Variants in PRKD1 observed in about 807,000 individuals in gnomAD.
The protein encoded by PRKD1 is protein kinase D1.
PRKD1 carries 63 observed loss-of-function variants against 95.9 expected under a neutral mutation model. The ratio of observed to expected loss-of-function variants is 0.66; its 90% CI spans 0.54 to 0.81. The LOEUF is 0.81. Ranked by LOEUF, PRKD1 falls within the 30% of genes least tolerant of loss-of-function variation. The pLI is 0.00. For missense variants in PRKD1, 1,048 were observed against 1,165.3 expected (o/e 0.90, Z 1.47); for synonymous variants, 425 against 423.1 (o/e 1.00, Z -0.05).
intron 1 of PRKD1, among the ~76,000 whole-genome samples, chr14:29,748,936 A>T (rs1263402343): frequency 1.3e-5 from 2 of 152,176 alleles, no homozygotes; most frequent in African/African-American, 4.8e-5. Context: ...CAAAAATAAA[A>T]TTATAAAATT....
intron 1 of PRKD1, among the ~76,000 whole-genome samples, chr14:29,912,724 CT>C (rs1894761673): frequency 6.6e-6 from 1 of 152,180 alleles, no homozygotes; most frequent in South Asian, 2.1e-4. Context: ...AGTGTTCCTC[CT>C]TTTTTAGCTA....
At chr14:29,869,203 G>A (rs1893017166) in intron 1 of PRKD1, among the ~76,000 whole-genome samples, 1 of 152,118 alleles carries the variant, frequency 6.6e-6, no homozygotes. Context: ...AGCACTTTGG[G>A]AGGCCGAGGA....
chr14:29,723,490 G>T (rs1020848703), intron 2 of PRKD1, among the ~76,000 whole-genome samples: 2 of 152,256 alleles, frequency 1.3e-5, no homozygotes, highest in African/African-American at 2.4e-5. Context: ...AGAGATAAGA[G>T]ATATGGGTAA....
At chr14:29,684,183 C>T (rs1231981759) in intron 2 of PRKD1, among the ~76,000 whole-genome samples, 7 of 146,086 alleles carry the variant, frequency 4.8e-5, no homozygotes, top group Non-Finnish European at 1.0e-4. Context: ...TGGAGTCTCA[C>T]TCTATCGCCC....
intron 4 of PRKD1, among the ~76,000 whole-genome samples, chr14:29,651,636 C>CTA (rs1233692195): frequency 6.6e-6 from 1 of 151,058 alleles, no homozygotes; most frequent in Non-Finnish European, 1.5e-5. Context: ...ATTATTTCTT[C>CTA]TATAGAAATC....
intron 1 of PRKD1, among the ~76,000 whole-genome samples, chr14:29,914,629 G>A (rs1046770744): frequency 2.6e-5 from 4 of 152,154 alleles, no homozygotes; most frequent in African/African-American, 4.8e-5. Context: ...AGCTACTCAG[G>A]AGGCTGAGGC....
intron 2 of PRKD1, among the ~76,000 whole-genome samples, chr14:29,707,198 G>T (rs1300167723): frequency 1.3e-5 from 2 of 152,088 alleles, no homozygotes; most frequent in Non-Finnish European, 2.9e-5. Context: ...TTTATATAGA[G>T]AAATATTGTT....
intron 16 of PRKD1, among the ~76,000 whole-genome samples, chr14:29,582,406 C>A (rs1892783074): frequency 6.6e-6 from 1 of 151,092 alleles, no homozygotes; most frequent in Non-Finnish European, 1.5e-5. Context: ...TTCTTTCCCC[C>A]TTTTAGAAGT....
At chr14:29,858,238 A>G (rs891564512) in intron 1 of PRKD1, among the ~76,000 whole-genome samples, 2 of 152,166 alleles carry the variant, frequency 1.3e-5, no homozygotes, top group African/African-American at 4.8e-5. Context: ...AGCACCTATC[A>G]CCATCTGACC....
At chr14:29,916,760 T>C (rs533217655) in intron 1 of PRKD1, among the ~76,000 whole-genome samples, 2 of 152,330 alleles carry the variant, frequency 1.3e-5, no homozygotes, top group East Asian at 3.9e-4. Flanking sequence ...AAATGGACAG[T>C]AGACCTCACC....
chr14:29,779,978 A>T, intron 1 of PRKD1, among the ~76,000 whole-genome samples: 1 of 152,192 alleles, frequency 6.6e-6, no homozygotes, highest in Non-Finnish European at 1.5e-5. Context: ...CTCAGAAATA[A>T]TACCACACAT....
chr14:29,897,804 A>T (rs1412706638), intron 1 of PRKD1, among the ~76,000 whole-genome samples: 2 of 152,110 alleles, frequency 1.3e-5, no homozygotes, highest in Non-Finnish European at 2.9e-5. Context: ...TTTTCTTTTC[A>T]AAAGAAAGTT....
At chr14:29,872,284 T>C (rs570031509) in intron 1 of PRKD1, among the ~76,000 whole-genome samples, 1 of 152,178 alleles carries the variant, frequency 6.6e-6, no homozygotes, top group Non-Finnish European at 1.5e-5. Flanking sequence ...ACTTAAAATA[T>C]AATGACAAAA....
rs574548102 is a variant in PRKD1, at chr14:29,732,913, GTT to G, written c.265-7241_265-7240del. ...ATTTGATAGTGATGTGCCTTGAAGT[GTT>G]TTTTTTTTTTTTCAGTTTATCTTGG... is the stretch of plus-strand genomic sequence containing the variant. On this transcript the variant is annotated intron_variant, in intron 1 of 17. Transcript: ENST00000331968. 5.0e-3 allele frequency among the ~76,000 whole-genome samples: 618 copies of G among 124,000 alleles called. 4 individuals are homozygous for G. The highest frequency in any genetic ancestry group is 0.016 in the African/African-American group (546 of 33,720). 81.3% of individuals were successfully genotyped at this position (124,000 alleles called of 152,430 possible).
At chr14:29,909,681 T>A (rs968026141) in intron 1 of PRKD1, among the ~76,000 whole-genome samples, 1 of 152,164 alleles carries the variant, frequency 6.6e-6, no homozygotes, top group African/African-American at 2.4e-5. Flanking sequence ...GCTCAAGGTT[T>A]GTAAATACAC....
chr14:29,617,523 T>C (rs1878948665), intron 13 of PRKD1, among the ~76,000 whole-genome samples: 1 of 152,220 alleles, frequency 6.6e-6, no homozygotes, highest in Non-Finnish European at 1.5e-5. Context: ...TCCAAAATGC[T>C]TTCATTTATT....
chr14:29,866,911 C>G (rs1594588413), intron 1 of PRKD1, among the ~76,000 whole-genome samples: 1 of 152,144 alleles, frequency 6.6e-6, no homozygotes, highest in East Asian at 1.9e-4. Context: ...TACCAAGTGC[C>G]TAATGAAGCC....
chr14:29,663,067 T>C (rs1013437529), intron 4 of PRKD1, among the ~76,000 whole-genome samples: 15 of 146,364 alleles, frequency 1.0e-4, no homozygotes, highest in African/African-American at 3.5e-4. Context: ...ATATTTTATA[T>C]ATAATATATA....
At chr14:29,622,936 C>T (rs1379923958) in intron 13 of PRKD1, among the ~76,000 whole-genome samples, 1 of 152,166 alleles carries the variant, frequency 6.6e-6, no homozygotes, top group African/African-American at 2.4e-5. Context: ...TATTCCTTCC[C>T]TGCAAAAGTA....
Sources: allele counts gnomAD v4.1 joint callset (sites outside exome capture counted in the v4.1 genomes callset), GRCh38; gene constraint gnomAD v4.1.1; transcripts MANE v1.5; gene names NCBI Gene and HGNC (gene_info 2026-07-23, HGNC 2026-07-21).